Variants in BICC1 observed in about 807,000 individuals in gnomAD.
BICC1 encodes BicC family RNA binding protein 1.
A neutral mutation model predicts 111.0 loss-of-function variants in BICC1; 43 were observed. The ratio of observed to expected loss-of-function variants is 0.39; its 90% CI spans 0.30 to 0.50. The LOEUF (loss-of-function observed/expected upper bound fraction) is 0.50. Among genes scored for constraint, BICC1 ranks in the 20% least tolerant of loss-of-function variants. BICC1 has a pLI of 0.88. For synonymous variants in BICC1, 467 were observed against 434.4 expected (o/e 1.07, Z -0.93); for missense variants, 1,091 against 1,203.2 (o/e 0.91, Z 1.38).
chr10:58,587,215 TA>T (rs1478464057), intron 1 of BICC1, among the ~76,000 whole-genome samples: 3 of 152,184 alleles, frequency 2.0e-5, no homozygotes, highest in African/African-American at 7.2e-5. Context: ...TTGCTTTACC[TA>T]ATAGGTTTCA....
At chr10:58,756,797 G>C (rs1214190244) in intron 3 of BICC1, among the ~76,000 whole-genome samples, 1 of 152,096 alleles carries the variant, frequency 6.6e-6, no homozygotes, top group Non-Finnish European at 1.5e-5. Flanking sequence ...GCAACATTAA[G>C]ATGCCTTTTA....
At chr10:58,777,014 G>A (rs1842765887) in intron 3 of BICC1, among the ~76,000 whole-genome samples, 1 of 151,804 alleles carries the variant, frequency 6.6e-6, no homozygotes, top group South Asian at 2.1e-4. Context: ...TGTCTGGGGT[G>A]TAGTTTACAC....
At chr10:58,700,690 CA>C (rs1489837312) in intron 2 of BICC1, among the ~76,000 whole-genome samples, 1 of 152,056 alleles carries the variant, frequency 6.6e-6, no homozygotes, top group Admixed American at 6.6e-5. Flanking sequence ...GTGAGCAGTA[CA>C]ATGCCATGAT....
chr10:58,629,141 A>G (rs1371767773), intron 2 of BICC1, among the ~76,000 whole-genome samples: 1 of 152,216 alleles, frequency 6.6e-6, no homozygotes, highest in Non-Finnish European at 1.5e-5. Flanking sequence ...GTGACAGTCT[A>G]AGATGATGGG....
At chr10:58,579,784 G>C (rs1844216173) in intron 1 of BICC1, among the ~76,000 whole-genome samples, 1 of 152,150 alleles carries the variant, frequency 6.6e-6, no homozygotes, top group African/African-American at 2.4e-5. Context: ...TAGCATAAAG[G>C]GAGTATGATT....
intron 5 of BICC1, 94 bp from the exon 6 acceptor site, chr10:58,788,276 A>G (rs1449155781): frequency 2.2e-6 from 2 of 913,746 alleles, no homozygotes; most frequent in African/African-American, 1.7e-5. Context: ...TTGTCCCTGG[A>G]TGACACTTTT....
chr10:58,573,308 CAACACA>C (rs1176133022), intron 1 of BICC1, among the ~76,000 whole-genome samples: 3 of 152,232 alleles, frequency 2.0e-5, no homozygotes, highest in East Asian at 3.9e-4. Context: ...GATTTTCATC[CAACACA>C]AACTCCAATC....
chr10:58,804,765 G>A (rs1393573626), intron 15 of BICC1, among the ~76,000 whole-genome samples: 2 of 152,008 alleles, frequency 1.3e-5, no homozygotes, highest in Non-Finnish European at 1.5e-5. Flanking sequence ...AGCCTAACTC[G>A]ATGTATTTAT....
rs975596339 is a variant in BICC1 at position 58,745,865 on chromosome 10, A to C, written c.308-39136A>C. Among the ~76,000 whole-genome samples, 8 of 151,984 alleles carry C rather than the reference A, an allele frequency of 5.3e-5. No homozygotes were observed. In the South Asian group the frequency reaches 1.0e-3, roughly 20 times the overall value. ...AGGATTTAAGGGTTAGGATGTGGAG[A>C]TCTTTGGGGGATCATTGTTCTGTCT... On this transcript the variant is annotated intron_variant, in intron 3 of 20. Transcript: ENST00000373886.
At chr10:58,598,875 T>G (rs1280533227) in intron 1 of BICC1, among the ~76,000 whole-genome samples, 8 of 152,094 alleles carry the variant, frequency 5.3e-5, no homozygotes, top group Non-Finnish European at 1.2e-4. Context: ...AATAAGACAT[T>G]TATGCGGCCA....
chr10:58,792,928 G>A (rs1314495457), intron 8 of BICC1, among the ~76,000 whole-genome samples: 1 of 152,110 alleles, frequency 6.6e-6, no homozygotes, highest in Non-Finnish European at 1.5e-5. Flanking sequence ...GGACCCCTGA[G>A]TTAAGATACC....
chr10:58,597,022 C>G (rs557851669), intron 1 of BICC1, among the ~76,000 whole-genome samples: 154 of 152,284 alleles, frequency 1.0e-3, no homozygotes, highest in Non-Finnish European at 8.5e-4. Flanking sequence ...CAAGCTACCA[C>G]TGACTTTCCA....
chr10:58,799,304 C>T (rs1335615992), intron 12 of BICC1, 52 bp downstream of exon 12: 25 of 1,392,674 alleles, frequency 1.8e-5, no homozygotes, highest in Admixed American at 2.2e-5. Context: ...TTGTAAGAGA[C>T]AAACCCCTGG....
intron 1 of BICC1, among the ~76,000 whole-genome samples, chr10:58,574,643 A>G (rs573657745): frequency 3.9e-5 from 6 of 152,138 alleles, no homozygotes; most frequent in African/African-American, 7.2e-5. Context: ...GAGATTTTAT[A>G]TGTTTGGTTT....
intron 1 of BICC1, among the ~76,000 whole-genome samples, chr10:58,567,156 A>G (rs1843792789): frequency 6.6e-6 from 1 of 152,116 alleles, no homozygotes; most frequent in African/African-American, 2.4e-5. Context: ...AAAGGTGGGG[A>G]AAAAGTGTTT....
chr10:58,656,545 A>T (rs1838658361), intron 2 of BICC1, among the ~76,000 whole-genome samples: 1 of 150,690 alleles, frequency 6.6e-6, no homozygotes, highest in Admixed American at 6.6e-5. Context: ...CTGGTTCAAT[A>T]TACGCAAATC....
At chr10:58,636,602 T>C (rs920257) in intron 2 of BICC1, among the ~76,000 whole-genome samples, 90,988 of 149,456 alleles carry the variant, frequency 0.61, 29,654 homozygotes, top group Non-Finnish European at 0.73. Context: ...TCCTCCTCCT[T>C]CTCCCTTTTT....
At chr10:58,677,123 A>G (rs1312834049) in intron 2 of BICC1, among the ~76,000 whole-genome samples, 1 of 152,218 alleles carries the variant, frequency 6.6e-6, no homozygotes, top group Non-Finnish European at 1.5e-5. Context: ...TGAAAATTCC[A>G]AAAACCAGAA....
intron 3 of BICC1, among the ~76,000 whole-genome samples, chr10:58,770,517 T>C (rs1842595394): frequency 6.6e-6 from 1 of 152,138 alleles, no homozygotes; most frequent in Admixed American, 6.6e-5. Context: ...ATAAGAATTA[T>C]ATGTTTGGAT....
Sources: allele counts gnomAD v4.1 joint callset (sites outside exome capture counted in the v4.1 genomes callset), GRCh38; gene constraint gnomAD v4.1.1; transcripts MANE v1.5; gene names NCBI Gene and HGNC (gene_info 2026-07-23, HGNC 2026-07-21).